Variants in XNDC1N observed in about 807,000 individuals in gnomAD.
XNDC1N encodes the protein XRCC1 N-terminal domain containing 1, N-terminal like.
At chr11:71,892,046 AG>A in the XNDC1N span, among the ~76,000 whole-genome samples, 24 of 152,198 alleles carry the variant, frequency 1.6e-4, no homozygotes, top group African/African-American at 5.1e-4. Flanking sequence ...ACAATATCAC[AG>A]GGGGGTGTAC....
the XNDC1N span, among the ~76,000 whole-genome samples, chr11:71,877,863 A>C: frequency 1.4e-4 from 22 of 151,998 alleles, no homozygotes; most frequent in African/African-American, 5.1e-4. Flanking sequence ...TCTTTCTTTA[A>C]TTCCTCTCAT....
the XNDC1N span, among the ~76,000 whole-genome samples, chr11:71,895,834 C>T: frequency 2.0e-5 from 3 of 151,468 alleles, no homozygotes; most frequent in African/African-American, 7.3e-5. Flanking sequence ...GTGGTATACA[C>T]ACCCAATGAA....
the XNDC1N span, among the ~76,000 whole-genome samples, chr11:71,870,653 C>A: frequency 6.6e-6 from 1 of 151,898 alleles, no homozygotes; most frequent in Non-Finnish European, 1.5e-5. Context: ...GGTTAATAGA[C>A]AAAATTTATA....
chr11:71,920,773 A>G, the XNDC1N span, among the ~76,000 whole-genome samples: 2 of 152,176 alleles, frequency 1.3e-5, no homozygotes. Flanking sequence ...ACCTAAAGTC[A>G]GATATTTTTT....
At chr11:71,866,385 T>C in the XNDC1N span, among the ~76,000 whole-genome samples, 1 of 152,204 alleles carries the variant, frequency 6.6e-6, no homozygotes, top group Non-Finnish European at 1.5e-5. Flanking sequence ...CCATGTTTAC[T>C]GTATACAATG....
chr11:71,904,038 C>A, the XNDC1N span: 1 of 523,326 alleles, frequency 1.9e-6, no homozygotes, highest in South Asian at 1.4e-5. Flanking sequence ...CGGTGGTCAC[C>A]CCCATGCTGA....
the XNDC1N span, among the ~76,000 whole-genome samples, chr11:71,923,749 G>A: frequency 6.6e-6 from 1 of 152,114 alleles, no homozygotes. Context: ...TAGAGATGGA[G>A]TTTCACCGTG....
the XNDC1N span, among the ~76,000 whole-genome samples, chr11:71,899,023 A>C: frequency 2.0e-5 from 3 of 152,240 alleles, no homozygotes; most frequent in East Asian, 1.9e-4. Flanking sequence ...TCTCCTGATT[A>C]GAGGAAGAGC....
At chr11:71,890,945 C>T in the XNDC1N span, among the ~76,000 whole-genome samples, 2 of 151,892 alleles carry the variant, frequency 1.3e-5, no homozygotes, top group East Asian at 1.9e-4. Context: ...ATCATCCTCT[C>T]CCCCCTTGCA....
chr11:71,900,159 C>T, the XNDC1N span, among the ~76,000 whole-genome samples: 1 of 152,232 alleles, frequency 6.6e-6, no homozygotes, highest in Admixed American at 6.5e-5. Flanking sequence ...ACCCTGCCCT[C>T]CTACTACATT....
the XNDC1N span, chr11:71,893,327 A>G: frequency 3.6e-6 from 2 of 552,832 alleles, no homozygotes; most frequent in Non-Finnish European, 6.6e-6. Flanking sequence ...AATTGTCACA[A>G]CTGAGAAACA....
the XNDC1N span, among the ~76,000 whole-genome samples, chr11:71,915,449 A>T: frequency 1.4e-5 from 2 of 145,816 alleles, no homozygotes; most frequent in Non-Finnish European, 3.0e-5. Flanking sequence ...CTCTGTCCCC[A>T]AAAAAAAAAA....
chr11:71,878,901 T>C, the XNDC1N span, among the ~76,000 whole-genome samples: 1 of 152,084 alleles, frequency 6.6e-6, no homozygotes, highest in African/African-American at 2.4e-5. Flanking sequence ...TCAGGAAGCT[T>C]AGGCAGGAGG....
the XNDC1N span, among the ~76,000 whole-genome samples, chr11:71,879,242 A>G: frequency 6.6e-6 from 1 of 152,028 alleles, no homozygotes; most frequent in Non-Finnish European, 1.5e-5. Flanking sequence ...GTTGAATAAA[A>G]CTCATATGAT....
the XNDC1N span, among the ~76,000 whole-genome samples, chr11:71,927,391 C>T: frequency 1.1e-4 from 16 of 152,144 alleles, no homozygotes; most frequent in African/African-American, 2.9e-4. Flanking sequence ...GGCGTGGTGG[C>T]GCGTACGTAG....
At chr11:71,886,467 C>A in the XNDC1N span, among the ~76,000 whole-genome samples, 3 of 152,012 alleles carry the variant, frequency 2.0e-5, no homozygotes, top group Admixed American at 2.0e-4. Context: ...AAGGCTAAAC[C>A]GAGACAGGGA....
the XNDC1N span, among the ~76,000 whole-genome samples, chr11:71,899,216 T>C: frequency 0.025 from 3,859 of 152,220 alleles, 56 homozygotes; most frequent in East Asian, 0.077. Context: ...GGGGTTCCAG[T>C]CCTGTGGGCT....
the XNDC1N span, among the ~76,000 whole-genome samples, chr11:71,896,121 C>T: frequency 3.9e-5 from 6 of 152,260 alleles, no homozygotes; most frequent in African/African-American, 1.4e-4. Context: ...CCACGGTAAA[C>T]ACAAAAAATG....
the XNDC1N span, among the ~76,000 whole-genome samples, chr11:71,900,267 C>T: frequency 1.3e-5 from 2 of 152,186 alleles, no homozygotes; most frequent in Non-Finnish European, 2.9e-5. Context: ...GCGCCGGTCC[C>T]CTGGGCTCAC....
Sources: gnomAD v4.1 joint callset for allele counts (sites outside exome capture counted in the v4.1 genomes callset) on GRCh38, gnomAD v4.1.1 for gene constraint, MANE v1.5 for transcripts, NCBI Gene and HGNC (gene_info 2026-07-23, HGNC 2026-07-21) for gene names.